The following DNER variants were observed in gnomAD, a reference collection of about 807,000 sequenced individuals.
The protein encoded by DNER is delta/notch like EGF repeat containing, also known as delta and Notch-like epidermal growth factor-related receptor.
DNER carries 33 observed loss-of-function variants against 78.2 expected under a neutral mutation model. The observed-to-expected ratio is 0.42, with a 90% CI of 0.32 to 0.56. The LOEUF is 0.56. Ranked by LOEUF, DNER falls within the 20% of genes least tolerant of loss-of-function variation. The pLI is 0.11. For missense variants in DNER, 918 were observed against 975.3 expected (o/e 0.94, Z 0.78); for synonymous variants, 417 against 384.8 (o/e 1.08, Z -0.98).
At chr2:229,489,562 G>A in intron 6 of DNER, among the ~76,000 whole-genome samples, 1 of 151,878 alleles carries the variant, frequency 6.6e-6, no homozygotes, top group East Asian at 2.0e-4. Context: ...GGGGAGGAGG[G>A]GAGGAGGAGT....
At chr2:229,441,657 G>C (rs1694237453) in intron 8 of DNER, among the ~76,000 whole-genome samples, 2 of 152,212 alleles carry the variant, frequency 1.3e-5, no homozygotes, top group African/African-American at 4.8e-5. Flanking sequence ...AGAACTGAGA[G>C]AAAGTGGATA....
chr2:229,616,242 G>A (rs574588570), intron 1 of DNER, among the ~76,000 whole-genome samples: 27 of 152,312 alleles, frequency 1.8e-4, no homozygotes, highest in East Asian at 5.8e-4. Flanking sequence ...ACCATGGGCC[G>A]TGTGATGTGG....
chr2:229,519,689 C>T (rs747936886), intron 5 of DNER, among the ~76,000 whole-genome samples: 6 of 152,114 alleles, frequency 3.9e-5, no homozygotes, highest in Non-Finnish European at 8.8e-5. Flanking sequence ...CTGTGATGGC[C>T]TCGGGTTCAG....
At chr2:229,433,356 A>G (rs1694057870) in intron 8 of DNER, among the ~76,000 whole-genome samples, 1 of 152,234 alleles carries the variant, frequency 6.6e-6, no homozygotes, top group African/African-American at 2.4e-5. Flanking sequence ...AGTGAAACAT[A>G]TAGTCAAATG....
intron 4 of DNER, among the ~76,000 whole-genome samples, chr2:229,573,540 A>G (rs1697250464): frequency 6.6e-6 from 1 of 152,198 alleles, no homozygotes; most frequent in African/African-American, 2.4e-5. Flanking sequence ...GGTTTTCAAA[A>G]CATTTGCATT....
intron 4 of DNER, among the ~76,000 whole-genome samples, chr2:229,548,287 G>A (rs564019712): frequency 2.6e-4 from 40 of 152,060 alleles, no homozygotes; most frequent in Admixed American, 1.6e-3. Flanking sequence ...AGCTAAATAC[G>A]AATTAAAACC....
At chr2:229,454,945 A>C (rs1325995251) in intron 7 of DNER, among the ~76,000 whole-genome samples, 1 of 152,170 alleles carries the variant, frequency 6.6e-6, no homozygotes, top group East Asian at 1.9e-4. Context: ...AAATGAATGC[A>C]AGGTATATCT....
chr2:229,414,892 G>A (rs1693610401), intron 9 of DNER, among the ~76,000 whole-genome samples: 1 of 152,246 alleles, frequency 6.6e-6, no homozygotes, highest in Non-Finnish European at 1.5e-5. Context: ...GCTGGGTGCA[G>A]TGGCTCATGT....
At chr2:229,462,809 G>A (rs1694730748) in intron 7 of DNER, among the ~76,000 whole-genome samples, 1 of 152,040 alleles carries the variant, frequency 6.6e-6, no homozygotes, top group African/African-American at 2.4e-5. Context: ...ACATGCTTCA[G>A]AAGCTGGCCC....
At position 229,647,628 on chromosome 2, in the gene DNER, A is replaced by G. The variant is rs550458147; in HGVS notation, c.277-55740T>C. Among the ~76,000 whole-genome samples, 3 of 152,370 alleles carry G rather than the reference A, an allele frequency of 2.0e-5. No individual in the cohort carries two copies. The East Asian group carries it at 5.8e-4, about 29-fold the overall frequency. On this transcript the variant is annotated intron_variant, in intron 1 of 12. Transcript: ENST00000341772. The stretch of plus-strand genomic sequence containing the variant: ...ACAGTTGTGGATATCCACATCCAAG[A>G]TATCTATAACTTATATTAGCAATAA...
At chr2:229,526,300 G>A (rs76989799) in intron 5 of DNER, among the ~76,000 whole-genome samples, 3,883 of 152,276 alleles carry the variant, frequency 0.025, 168 homozygotes, top group African/African-American at 0.089. Context: ...CACTGCTCGC[G>A]TGTTCCTCTC....
intron 6 of DNER, among the ~76,000 whole-genome samples, chr2:229,490,674 A>C (rs1695379859): frequency 6.6e-6 from 1 of 152,150 alleles, no homozygotes; most frequent in African/African-American, 2.4e-5. Flanking sequence ...TGATGACTGC[A>C]CAACTCTATG....
At chr2:229,681,509 C>T (rs1699386273) in intron 1 of DNER, among the ~76,000 whole-genome samples, 1 of 152,144 alleles carries the variant, frequency 6.6e-6, no homozygotes, top group Admixed American at 6.5e-5. Context: ...GAAAACACAT[C>T]CAAACTCACA....
At chr2:229,678,011 A>G (rs1465552677) in intron 1 of DNER, among the ~76,000 whole-genome samples, 1 of 152,238 alleles carries the variant, frequency 6.6e-6, no homozygotes, top group Non-Finnish European at 1.5e-5. Flanking sequence ...AACAAAGCAT[A>G]AATTGCACTC....
At chr2:229,464,750 T>C (rs923900988) in intron 7 of DNER, among the ~76,000 whole-genome samples, 1 of 151,860 alleles carries the variant, frequency 6.6e-6, no homozygotes, top group African/African-American at 2.4e-5. Context: ...GGGTAGAGAA[T>C]GGTGGGGGCT....
intron 6 of DNER, among the ~76,000 whole-genome samples, chr2:229,481,397 G>A (rs1695155465): frequency 6.6e-6 from 1 of 152,206 alleles, no homozygotes; most frequent in African/African-American, 2.4e-5. Flanking sequence ...CAGAGGACAA[G>A]GAGCCAGGAG....
intron 4 of DNER, among the ~76,000 whole-genome samples, chr2:229,567,393 G>C (rs1286505427): frequency 6.6e-6 from 1 of 152,192 alleles, no homozygotes; most frequent in Non-Finnish European, 1.5e-5. Flanking sequence ...TTTTGAAAGG[G>C]AAGGAGGAAT....
chr2:229,473,283 T>C (rs1180725483), intron 7 of DNER, among the ~76,000 whole-genome samples: 1 of 152,264 alleles, frequency 6.6e-6, no homozygotes, highest in Non-Finnish European at 1.5e-5. Flanking sequence ...GAAGTTTTCT[T>C]TGCATGCATT....
chr2:229,605,601 T>C (rs1268285023), intron 1 of DNER, among the ~76,000 whole-genome samples: 1 of 152,184 alleles, frequency 6.6e-6, no homozygotes, highest in Non-Finnish European at 1.5e-5. Context: ...TGAACTGTTT[T>C]AGAATGTTGA....
Sources: gnomAD v4.1 joint callset for allele counts (sites outside exome capture counted in the v4.1 genomes callset) on GRCh38, gnomAD v4.1.1 for gene constraint, MANE v1.5 for transcripts, NCBI Gene and HGNC (gene_info 2026-07-23, HGNC 2026-07-21) for gene names.